Variants in EPS15 observed in about 807,000 individuals in gnomAD.
The protein encoded by EPS15 is epidermal growth factor receptor substrate 15.
A neutral mutation model predicts 113.8 loss-of-function variants in EPS15; 72 were observed. That is an observed-to-expected ratio of 0.63 (90% CI 0.52 to 0.77). EPS15 has a LOEUF of 0.77. EPS15 is among the 30% of genes least tolerant of loss of function. EPS15 has a pLI of 0.00. For missense variants in EPS15, 1,048 were observed against 1,045.8 expected, an observed-to-expected ratio of 1.00 and a Z score of -0.03; for synonymous variants, 344 against 363.4, an observed-to-expected ratio of 0.95 and a Z score of 0.61.
At chr1:51,372,477 C>A (rs779485440) in intron 21 of EPS15, 4 of 533,294 alleles carry the variant, frequency 7.5e-6, no homozygotes, top group Non-Finnish European at 1.5e-5. Flanking sequence ...GTTTTTAGAC[C>A]ATGATTATTT....
chr1:51,432,275 C>T (rs142946909), intron 12 of EPS15, among the ~76,000 whole-genome samples: 1 of 152,046 alleles, frequency 6.6e-6, no homozygotes, highest in African/African-American at 2.4e-5. Flanking sequence ...TAACTCAGAA[C>T]AGGTACAAAG....
chr1:51,357,391 A>AAAAAT (rs1491245303), intron 24 of EPS15, among the ~76,000 whole-genome samples: 2 of 65,730 alleles, frequency 3.0e-5, no homozygotes, highest in Non-Finnish European at 5.2e-5. Flanking sequence ...AAAAAAAAAA[A>AAAAAT]ATATATATAT....
chr1:51,373,319 G>C (rs1460818927), intron 21 of EPS15: 1 of 152,724 alleles, frequency 6.5e-6, no homozygotes, highest in Non-Finnish European at 1.5e-5. Flanking sequence ...GTCCTGATTA[G>C]AGCTCTATGC....
At chr1:51,374,902 G>A (rs1400636487) in intron 21 of EPS15, among the ~76,000 whole-genome samples, 3 of 150,966 alleles carry the variant, frequency 2.0e-5, no homozygotes, top group African/African-American at 7.3e-5. Flanking sequence ...TGTTGGCCAG[G>A]CTGGTCTCAA....
At chr1:51,442,404 T>C (rs72696129) in intron 11 of EPS15, among the ~76,000 whole-genome samples, 4,571 of 152,270 alleles carry the variant, frequency 0.03, 77 homozygotes, top group African/African-American at 0.05. Flanking sequence ...TCACATTTTA[T>C]AGTCTTGCCT....
rs1646223741 is a variant in EPS15, at chr1:51,356,643, A to C, written c.*57T>G. 5 of 1,460,640 alleles carry C rather than the reference A, an allele frequency of 3.4e-6. No homozygotes were observed. Among genetic ancestry groups the C allele is most frequent in the Non-Finnish European group, 4.7e-6 (5 of 1,062,042 alleles). 90.5% of individuals were successfully genotyped at this position (1,460,640 alleles called of 1,614,324 possible). The stretch of plus-strand genomic sequence containing the variant: ...GGTAGTTTTGATACACATTGTAAAT[A>C]GTTTCAGTATTCAGGAAGAAGAATA... On this transcript the variant is annotated 3_prime_UTR_variant, in exon 25 of 25. Coordinates refer to ENST00000371733, the MANE Select transcript of EPS15 (RefSeq NM_001981.3).
At chr1:51,413,030 A>C (rs1474853253) in intron 13 of EPS15, among the ~76,000 whole-genome samples, 1 of 152,190 alleles carries the variant, frequency 6.6e-6, no homozygotes, top group African/African-American at 2.4e-5. Context: ...AGACACATTA[A>C]AACCTTCAGT....
At chr1:51,395,839 C>T (rs1375382698) in intron 20 of EPS15, among the ~76,000 whole-genome samples, 4 of 152,164 alleles carry the variant, frequency 2.6e-5, no homozygotes. Context: ...CATTTATATG[C>T]AACTCTGATG....
intron 4 of EPS15, among the ~76,000 whole-genome samples, chr1:51,469,609 C>T (rs1655099316): frequency 6.6e-6 from 1 of 152,210 alleles, no homozygotes; most frequent in African/African-American, 2.4e-5. Context: ...CAACCCTTCA[C>T]TACTTCTCTG....
intron 13 of EPS15, among the ~76,000 whole-genome samples, chr1:51,419,231 C>A (rs549666401): frequency 2.0e-5 from 3 of 152,224 alleles, no homozygotes; most frequent in Non-Finnish European, 4.4e-5. Flanking sequence ...TACAAGCTAA[C>A]AGTGATCATC....
intron 21 of EPS15, among the ~76,000 whole-genome samples, chr1:51,390,699 C>A (rs1647270450): frequency 6.6e-6 from 1 of 152,016 alleles, no homozygotes; most frequent in African/African-American, 2.4e-5. Context: ...ATGCAGCCAA[C>A]AGACACGTGA....
At chr1:51,424,907 AAAAAT>A (rs986960309) in intron 12 of EPS15, among the ~76,000 whole-genome samples, 1 of 152,102 alleles carries the variant, frequency 6.6e-6, no homozygotes, top group Non-Finnish European at 1.5e-5. Flanking sequence ...TGTCTCAAAA[AAAAAT>A]AAAATAAAAT....
intron 21 of EPS15, among the ~76,000 whole-genome samples, chr1:51,380,259 G>A (rs921736067): frequency 6.6e-6 from 1 of 151,818 alleles, no homozygotes; most frequent in African/African-American, 2.4e-5. Context: ...ATGCTAAAGG[G>A]AGTCATTCAA....
intron 1 of EPS15, among the ~76,000 whole-genome samples, chr1:51,482,036 G>A (rs1019959561): frequency 1.1e-4 from 16 of 152,152 alleles, no homozygotes; most frequent in African/African-American, 3.9e-4. Flanking sequence ...CAGGTGTGGT[G>A]GCACATGCCT....
intron 12 of EPS15, among the ~76,000 whole-genome samples, chr1:51,435,923 TA>T (rs1290542581): frequency 1.3e-5 from 2 of 152,020 alleles, no homozygotes; most frequent in African/African-American, 4.8e-5. Context: ...CTTTATAAGG[TA>T]AAAGGTATGC....
At chr1:51,390,747 A>G (rs11485582) in intron 21 of EPS15, among the ~76,000 whole-genome samples, 9,583 of 152,226 alleles carry the variant, frequency 0.063, 962 homozygotes, top group African/African-American at 0.21. Context: ...GAGAAATGCA[A>G]ATCAAAACCA....
At chr1:51,417,560 C>T (rs1417263660) in intron 13 of EPS15, among the ~76,000 whole-genome samples, 1 of 152,196 alleles carries the variant, frequency 6.6e-6, no homozygotes, top group Non-Finnish European at 1.5e-5. Flanking sequence ...ATACACATCA[C>T]ACCAAGCTAA....
chr1:51,430,125 G>A (rs1316286948), intron 12 of EPS15, among the ~76,000 whole-genome samples: 1 of 152,212 alleles, frequency 6.6e-6, no homozygotes, highest in Admixed American at 6.5e-5. Context: ...ACAATTGCTA[G>A]AAAGGCAATA....
At chr1:51,500,649 G>A (rs1644395619) in intron 1 of EPS15, among the ~76,000 whole-genome samples, 1 of 152,070 alleles carries the variant, frequency 6.6e-6, no homozygotes, top group South Asian at 2.1e-4. Flanking sequence ...CCAAGTAGCT[G>A]CACCTAAAGG....
Sources: allele counts gnomAD v4.1 joint callset (sites outside exome capture counted in the v4.1 genomes callset), GRCh38; gene constraint gnomAD v4.1.1; transcripts MANE v1.5; gene names NCBI Gene and HGNC (gene_info 2026-07-23, HGNC 2026-07-21).